The following BOP1 variants were observed in gnomAD, a reference collection of about 807,000 sequenced individuals.
BOP1 encodes BOP1 ribosomal biogenesis factor.
A neutral mutation model predicts 82.9 loss-of-function variants in BOP1; 54 were observed. The observed-to-expected ratio is 0.65, with a 90% CI of 0.52 to 0.82. The LOEUF (loss-of-function observed/expected upper bound fraction) is 0.82. Among genes scored for constraint, BOP1 ranks in the 40% least tolerant of loss-of-function variants. BOP1 has a pLI of 0.00. For synonymous variants in BOP1, 566 were observed against 451.1 expected (o/e 1.25, Z -3.23); for missense variants, 1,170 against 1,072.0 (o/e 1.09, Z -1.28).
chr8:144,262,844 A>AC lies in BOP1; in HGVS notation c.1894+8dup. The AC allele has an allele frequency of 1.7e-6, 1 of 599,604 alleles. No individual in the cohort carries two copies. The highest frequency in any genetic ancestry group is 2.2e-6 in the Non-Finnish European group (1 of 453,620). 37.1% of individuals were successfully genotyped at this position (599,604 alleles called of 1,614,324 possible). ...CTCACCTGCAGGGTGCACCGCCCCC[A>AC]CCCCTCACCTGCAGGGTGCACCGCC... On this transcript the variant is annotated intron_variant, in intron 13 of 15. Transcript: ENST00000569669.
At chr8:144,271,759 C>T (rs968141597) in intron 3 of BOP1, among the ~76,000 whole-genome samples, 2 of 152,112 alleles carry the variant, frequency 1.3e-5, no homozygotes, top group Non-Finnish European at 2.9e-5. Flanking sequence ...AACCCCCAGC[C>T]CAAGGTGGGG....
At position 144,265,450 on chromosome 8, in the gene BOP1, A is replaced by T. The variant is rs1206779442; in HGVS notation, c.391-379T>A. The T allele has an allele frequency of 3.0e-5, 10 of 336,334 alleles. No homozygotes were observed. In the South Asian group the frequency reaches 3.1e-4, roughly 11 times the overall value. The allele number at this position is 336,334 out of a possible 1,614,324, so 20.8% of individuals were successfully genotyped here. A position where few individuals can be genotyped will look rare whatever the true frequency, so the allele number is the denominator to read the frequency against. On this transcript the variant is annotated intron_variant, in intron 3 of 15. Transcript: ENST00000569669. ...CCTTAGGCAGAAGTGGGCAGCTATA[A>T]GACGGGGACTCGGGGAAGACCCCAA...
In BOP1 at chr8:144,265,025, T is replaced by G; in HGVS notation, c.437A>C (p.Asp146Ala). 1.2e-6 allele frequency: 2 copies of G among 1,612,176 alleles called. No homozygotes were observed. The highest frequency in any genetic ancestry group is 1.7e-6 in the Non-Finnish European group (2 of 1,179,716). ...CAGGTCGTAGCCCACGTGGGGGAAG[T>G]CATCGTACCACTCCAAGGGCACGTT... ...VGNVPLEWYD[D>A]FPHVGYDLDG... Residue 146 changes from aspartate to alanine, a missense_variant, in exon 4 of 16, where the codon GAC becomes GCC. Coordinates refer to ENST00000569669, the MANE Select transcript of BOP1 (RefSeq NM_015201.5).
chr8:144,262,571 C>T lies in BOP1; in HGVS notation c.1979+17G>A, dbSNP rs1224259107. ...GGAGGGGCTCTGCTGGCCGCCTCCA[C>T]CCCCAGCTTTCCTCACCTCAGCATC... On this transcript the variant is annotated intron_variant, in intron 14 of 15. Coordinates refer to ENST00000569669, the MANE Select transcript of BOP1 (RefSeq NM_015201.5). The T allele has an allele frequency of 6.2e-7, 1 of 1,613,256 alleles. No individual in the cohort carries two copies. The highest frequency in any genetic ancestry group is 1.1e-5 in the South Asian group (1 of 91,072).
rs1014794682 is a variant in BOP1 at position 144,264,611 on chromosome 8, A to G, written c.669T>C (p.Ala223=). The change falls in exon 6 of 16, where the codon GCT becomes GCC. Residue 223 remains alanine, a synonymous_variant. Transcript: ENST00000569669. Reference sequence around the variant, plus strand: ...TGACGTCCCCGCTGAAGAAGTCGACAGCCGGCTGGGGGAGAAGATGTGGGC... The same window carrying G: ...TGACGTCCCCGCTGAAGAAGTCGACGGCCGGCTGGGGGAGAAGATGTGGGC... ...GDVGFNPYEP[A]VDFFSGDVMI... The G allele has an allele frequency of 1.8e-4, 284 of 1,597,950 alleles. No individual in the cohort carries two copies. The highest frequency in any genetic ancestry group is 2.1e-4 in the Non-Finnish European group (242 of 1,172,338).
At chr8:144,267,674 G>A (rs1845408752) in intron 3 of BOP1, among the ~76,000 whole-genome samples, 1 of 152,138 alleles carries the variant, frequency 6.6e-6, no homozygotes, top group Admixed American at 6.5e-5. Flanking sequence ...ACCAGGTCCT[G>A]TAGGGCTGCC....
At chr8:144,289,527 T>G (rs1277361833) in intron 1 of BOP1, among the ~76,000 whole-genome samples, 2 of 152,202 alleles carry the variant, frequency 1.3e-5, no homozygotes, top group African/African-American at 2.4e-5. Flanking sequence ...GCCTTTGCCA[T>G]CGACATTTTA....
At chr8:144,280,950 G>T in intron 2 of BOP1, among the ~76,000 whole-genome samples, 1 of 150,364 alleles carries the variant, frequency 6.7e-6, no homozygotes, top group African/African-American at 2.5e-5. Flanking sequence ...TTTAATACCA[G>T]GTCTTTGGCC....
At position 144,262,278 on chromosome 8, in the gene BOP1, C is replaced by G. The variant is rs1409044994; in HGVS notation, c.2127G>C (p.Val709=). The change falls in exon 16 of 16, where the codon GTG becomes GTC. Residue 709 remains valine (V), a synonymous_variant. Coordinates refer to ENST00000569669, the MANE Select transcript of BOP1 (RefSeq NM_015201.5). Reference sequence around the variant, plus strand: ...CTCGGGTCAGCACGTGTCCCTTCAGCACCTTGACGGGCACCAGCAAGGGGT... The same window carrying G: ...CTCGGGTCAGCACGTGTCCCTTCAGGACCTTGACGGGCACCAGCAAGGGGT... The part of the protein sequence containing the change: ...LQNPLLVPVK[V]LKGHVLTRDL... 6.9e-5 allele frequency: 112 copies of G among 1,612,728 alleles called. No individual in the cohort carries two copies. The highest frequency in any genetic ancestry group is 2.5e-5 in the Non-Finnish European group (30 of 1,179,818).
intron 3 of BOP1, among the ~76,000 whole-genome samples, chr8:144,270,579 G>A (rs1320143725): frequency 6.6e-6 from 1 of 152,080 alleles, no homozygotes; most frequent in African/African-American, 2.4e-5. Flanking sequence ...CCGCCAGCCA[G>A]CAAGAGGGGA....
chr8:144,268,195 CG>C lies in BOP1; in HGVS notation c.391-3125del. The C allele has an allele frequency of 3.2e-6, 5 of 1,548,100 alleles. 1 individual carries two copies. The South Asian group carries it at 6.0e-5, about 18-fold the overall frequency. Reference sequence around the variant, plus strand: ...GACGCTGCTGGGGGAGGTGGACGCCCGGGGTGACTGCAGACAGCCCCCACCT... The same window carrying C: ...GACGCTGCTGGGGGAGGTGGACGCCCGGGTGACTGCAGACAGCCCCCACCT... On this transcript the variant is annotated intron_variant, in intron 3 of 15. Transcript: ENST00000569669.
intron 2 of BOP1, among the ~76,000 whole-genome samples, chr8:144,277,690 A>G (rs1554838420): frequency 0.18 from 27,074 of 151,882 alleles, 6,722 homozygotes; most frequent in African/African-American, 0.56. Flanking sequence ...GTGGCCTTCG[A>G]AGGTGCTGGG....
rs575973456 is a variant in BOP1 at position 144,270,903 on chromosome 8, A to G, written c.390+5321T>C. Among the ~76,000 whole-genome samples, 87 of 152,202 alleles carry G rather than the reference A, an allele frequency of 5.7e-4. 1 individual carries two copies. The highest frequency in any genetic ancestry group is 1.9e-3 in the African/African-American group (79 of 41,528). ...CCCTGCGAGCCGAGCTGGGCTGGAA[A>G]CGCTCTGCTGGGCCTCAGCTGTCAG... On this transcript the variant is annotated intron_variant, in intron 3 of 15. Transcript: ENST00000569669.
At chr8:144,288,989 G>C in intron 2 of BOP1, 106 bp downstream of exon 2, 1 of 1,266,402 alleles carries the variant, frequency 7.9e-7, no homozygotes. Context: ...CGCCGGCCTT[G>C]GGGTTCTGAG....
At chr8:144,278,178 G>A (rs1033633097) in intron 2 of BOP1, among the ~76,000 whole-genome samples, 1 of 152,238 alleles carries the variant, frequency 6.6e-6, no homozygotes, top group Non-Finnish European at 1.5e-5. Flanking sequence ...CCACTGGGCA[G>A]AGGCAGGCGG....
At chr8:144,266,825 G>A (rs1323682745) in intron 3 of BOP1, 2 of 1,268,954 alleles carry the variant, frequency 1.6e-6, no homozygotes, top group East Asian at 3.9e-5. Flanking sequence ...GGCCGGCCAG[G>A]CCGTGAGCCC....
rs1373141978 is a variant in BOP1, at chr8:144,265,138, G to C, written c.391-67C>G. ...GCCCACCCCCGCTTCGGGCCGCCCA[G>C]GGGAGCAGGTGAGGGGGTTGCAGGG... On this transcript the variant is annotated intron_variant, in intron 3 of 15. Coordinates refer to ENST00000569669, the MANE Select transcript of BOP1 (RefSeq NM_015201.5). 6 of 1,563,734 alleles carry C rather than the reference G, an allele frequency of 3.8e-6. No individual in the cohort carries two copies. In the African/African-American group the frequency reaches 8.1e-5, roughly 21 times the overall value.
At chr8:144,262,813 CCACCCCT>C in intron 13 of BOP1, 33 bp downstream of exon 13, 1 of 751,582 alleles carries the variant, frequency 1.3e-6, no homozygotes, top group East Asian at 3.8e-5. Context: ...GCCCCCCCCC[CCACCCCT>C]CACCTGCAGG....
intron 3 of BOP1, among the ~76,000 whole-genome samples, chr8:144,269,593 A>T (rs1845458758): frequency 2.0e-5 from 3 of 152,248 alleles, no homozygotes; most frequent in African/African-American, 4.8e-5. Context: ...GAAATATAAC[A>T]GGATAAAAAG....
Sources: allele counts gnomAD v4.1 joint callset (sites outside exome capture counted in the v4.1 genomes callset), GRCh38; gene constraint gnomAD v4.1.1; transcripts MANE v1.5; gene names NCBI Gene and HGNC (gene_info 2026-07-23, HGNC 2026-07-21).